Variants in ZNF732 observed in about 807,000 individuals in gnomAD.
ZNF732 encodes zinc finger protein LOC654254.
ZNF732 carries 12 observed loss-of-function variants against 11.5 expected under a neutral mutation model. The observed-to-expected ratio is 1.05, with a 90% CI of 0.67 to 1.70. The LOEUF is 1.70. ZNF732 is among the 40% of genes most tolerant of loss of function. ZNF732 has a pLI of 0.00. For synonymous variants in ZNF732, 231 were observed against 236.5 expected (o/e 0.98, Z 0.21); for missense variants, 702 against 676.9 (o/e 1.04, Z -0.41).
intron 1 of ZNF732, among the ~76,000 whole-genome samples, chr4:304,238 G>T (rs1720179102): frequency 6.6e-6 from 1 of 152,088 alleles, no homozygotes; most frequent in Admixed American, 6.5e-5. Flanking sequence ...GCATTAAGTG[G>T]GGGCTGGCAG....
chr4:299,525 GTATA>G (rs1470513310), intron 1 of ZNF732, among the ~76,000 whole-genome samples: 1 of 120,872 alleles, frequency 8.3e-6, no homozygotes, highest in African/African-American at 3.3e-5. Context: ...GTATATATGT[GTATA>G]TATACATATA....
chr4:304,046 T>C (rs1720174789), intron 1 of ZNF732, among the ~76,000 whole-genome samples: 1 of 152,098 alleles, frequency 6.6e-6, no homozygotes, highest in Non-Finnish European at 1.5e-5. Context: ...GGAAACAGGT[T>C]CCTGCTATAG....
chr4:287,250 T>G (rs1043959577), intron 3 of ZNF732, among the ~76,000 whole-genome samples: 4 of 151,494 alleles, frequency 2.6e-5, no homozygotes, highest in Admixed American at 2.0e-4. Flanking sequence ...GGAGTTTTGG[T>G]GTTGCCCAGA....
At chr4:301,507 G>A (rs1553843609) in intron 1 of ZNF732, among the ~76,000 whole-genome samples, 1 of 152,192 alleles carries the variant, frequency 6.6e-6, no homozygotes, top group African/African-American at 2.4e-5. Context: ...AGAAAACGTG[G>A]CACATATACA....
intron 1 of ZNF732, 105 bp downstream of exon 1, chr4:305,203 G>C (rs566632497): frequency 7.0e-7 from 1 of 1,433,082 alleles, no homozygotes; most frequent in Non-Finnish European, 9.3e-7. Context: ...AGGGCTGAGC[G>C]GCGGCAGCGG....
chr4:294,580 G>A (rs1194324313), intron 3 of ZNF732, among the ~76,000 whole-genome samples: 3 of 152,172 alleles, frequency 2.0e-5, no homozygotes, highest in African/African-American at 4.8e-5. Context: ...AAATCTAGAA[G>A]GTGAGTAAAC....
intron 1 of ZNF732, among the ~76,000 whole-genome samples, chr4:300,295 A>G (rs1206294820): frequency 6.6e-6 from 1 of 150,786 alleles, no homozygotes; most frequent in Non-Finnish European, 1.5e-5. Context: ...ACCCCGTCTC[A>G]GCTAAAAAAT....
At chr4:293,985 G>A (rs1719897065) in intron 3 of ZNF732, among the ~76,000 whole-genome samples, 1 of 152,154 alleles carries the variant, frequency 6.6e-6, no homozygotes. Context: ...GTCAATTAAA[G>A]TCTGGTAAAA....
chr4:282,821 A>G (rs1270884439), intron 3 of ZNF732, among the ~76,000 whole-genome samples: 1 of 152,220 alleles, frequency 6.6e-6, no homozygotes, highest in Non-Finnish European at 1.5e-5. Flanking sequence ...AAAAGAAATT[A>G]AAGCATATAA....
At chr4:277,175 C>G (rs1176895367) in intron 3 of ZNF732, among the ~76,000 whole-genome samples, 3 of 151,972 alleles carry the variant, frequency 2.0e-5, no homozygotes, top group Non-Finnish European at 2.9e-5. Context: ...ATGGGAAACT[C>G]AAACCTATAA....
rs1260182033 is a variant in ZNF732 at position 271,932 on chromosome 4, G to C, written c.925C>G (p.Gln309Glu). 5 of 1,608,388 alleles carry C rather than the reference G, an allele frequency of 3.1e-6. No homozygotes were observed. The East Asian group carries it at 1.1e-4, about 36-fold the overall frequency. Residue 309 changes from glutamine (Q) to glutamate (E), a missense_variant, in exon 4 of 4, where the codon CAG becomes GAG. Physicochemically the swap from Gln to Glu is conservative, Grantham distance 29. Around this residue, in one of 3 missense-constraint regions of ZNF732, gnomAD observed 596 missense variants for 557.9 expected, o/e 1.07. Transcript: ENST00000419098. ...IHTGEKLYKCQECGKVFNRST... is the reference protein window; with the variant it reads ...IHTGEKLYKCEECGKVFNRST... ...CTATTAAAGACTTTGCCACATTCCT[G>C]ACATTTGTAGAGTTTCTCTCCGGTA...
At chr4:289,132 G>A (rs1301031298) in intron 3 of ZNF732, among the ~76,000 whole-genome samples, 2 of 152,214 alleles carry the variant, frequency 1.3e-5, no homozygotes, top group Non-Finnish European at 2.9e-5. Context: ...GAGCAAGTGT[G>A]TGGAAGAAGC....
chr4:287,219 CT>C lies in ZNF732; in HGVS notation c.226+8218del, dbSNP rs139873066. The stretch of plus-strand genomic sequence containing the variant: ...CCAAGAATATGTGAAACTTAACATA[CT>C]TTTTTTTTTTTTTAAAGACGGAGTT... On this transcript the variant is annotated intron_variant, in intron 3 of 3. Transcript: ENST00000419098. Among the ~76,000 whole-genome samples, 1,073 of 144,006 alleles carry C rather than the reference CT, an allele frequency of 7.5e-3. 4 individuals carry two copies. The highest frequency in any genetic ancestry group is 0.014 in the African/African-American group (569 of 39,562). 94.5% of individuals were successfully genotyped at this position (144,006 alleles called of 152,430 possible).
At chr4:299,694 CTTT>C (rs1268663238) in intron 1 of ZNF732, among the ~76,000 whole-genome samples, 2 of 117,724 alleles carry the variant, frequency 1.7e-5, no homozygotes, top group African/African-American at 6.3e-5. Flanking sequence ...AATATATATA[CTTT>C]TTTTTTTTTT....
At chr4:281,448 T>A (rs188816327) in intron 3 of ZNF732, among the ~76,000 whole-genome samples, 372 of 152,344 alleles carry the variant, frequency 2.4e-3, no homozygotes, top group African/African-American at 8.4e-3. Flanking sequence ...CTGCTCACAT[T>A]GATTGTATCA....
At chr4:304,651 CCCT>C (rs1411922843) in intron 1 of ZNF732, among the ~76,000 whole-genome samples, 20 of 152,280 alleles carry the variant, frequency 1.3e-4, no homozygotes, top group African/African-American at 3.6e-4. Flanking sequence ...GGCGCCCACA[CCCT>C]CCTCAAGTTC....
chr4:300,628 G>GA (rs1720097747), intron 1 of ZNF732, among the ~76,000 whole-genome samples: 1 of 152,064 alleles, frequency 6.6e-6, no homozygotes, highest in Non-Finnish European at 1.5e-5. Context: ...TCAGATAAAA[G>GA]TTCTGTGCTT....
chr4:275,136 T>C (rs1293264870), intron 3 of ZNF732, among the ~76,000 whole-genome samples: 4 of 151,654 alleles, frequency 2.6e-5, no homozygotes, highest in Non-Finnish European at 5.9e-5. Context: ...TTCTCCTTGA[T>C]AGACTACATG....
intron 3 of ZNF732, among the ~76,000 whole-genome samples, chr4:278,032 T>C (rs1719537351): frequency 6.6e-6 from 1 of 152,170 alleles, no homozygotes; most frequent in Non-Finnish European, 1.5e-5. Context: ...AACAAAATAC[T>C]ATTCAGCTAC....
Sources: allele counts gnomAD v4.1 joint callset (sites outside exome capture counted in the v4.1 genomes callset), GRCh38; gene constraint gnomAD v4.1.1; regional missense constraint gnomAD v4.1.1; transcripts MANE v1.5; gene names NCBI Gene and HGNC (gene_info 2026-07-23, HGNC 2026-07-21).